PRXL2C: variants seen among roughly 807,000 people sequenced by gnomAD.
PRXL2C encodes the protein peroxiredoxin like 2C.
Under a neutral mutation model 24.9 loss-of-function variants are expected in PRXL2C, and 38 were observed. That is an observed-to-expected ratio of 1.53 (90% CI 1.18 to 2.00). The LOEUF (loss-of-function observed/expected upper bound fraction) is 2.00. Ranked by LOEUF, PRXL2C falls within the 30% of genes most tolerant of loss-of-function variation. The probability of loss-of-function intolerance (pLI) is 0.00; values close to 1 mark genes in which losing one functional copy is unlikely to be tolerated. For synonymous variants in PRXL2C, 98 were observed against 117.2 expected, an observed-to-expected ratio of 0.84 and a Z score of 1.06; for missense variants, 294 against 290.9, an observed-to-expected ratio of 1.01 and a Z score of -0.08.
chr9:96,651,706 T>G lies in PRXL2C; in HGVS notation c.268A>C (p.Asn90His), dbSNP rs775053398. The G allele has an allele frequency of 3.1e-5, 50 of 1,609,224 alleles. No individual in the cohort carries two copies. The highest frequency in any genetic ancestry group is 4.2e-5 in the Non-Finnish European group (49 of 1,177,424). Residue 90 changes from asparagine (N) to histidine (H), a missense_variant, in exon 3 of 6, where the codon AAT (asparagine) becomes CAT (histidine). Asn to His is a moderately conservative substitution (Grantham distance 68). Transcript: ENST00000375234. ...TGTCCAATCACTATAAGGGTGACAT[T>G]TGCTTCCTTAGGAGAAAAAAAAGGA... ...KIPRSFLQEANVTLIVIGQSS... is the reference protein window; with the variant it reads ...KIPRSFLQEAHVTLIVIGQSS...
At chr9:96,644,912 T>TTTTTTC (rs1848172013) in intron 5 of PRXL2C, among the ~76,000 whole-genome samples, 1 of 111,304 alleles carries the variant, frequency 9.0e-6, no homozygotes, top group Non-Finnish European at 1.7e-5. Context: ...TTTTTTTTTT[T>TTTTTTC]TTTTGAGGCA....
At chr9:96,642,615 G>A (rs919887629) in intron 5 of PRXL2C, among the ~76,000 whole-genome samples, 6 of 149,322 alleles carry the variant, frequency 4.0e-5, no homozygotes, top group Non-Finnish European at 7.4e-5. Flanking sequence ...GCATGATCTC[G>A]GCTCACTGCA....
intron 5 of PRXL2C, among the ~76,000 whole-genome samples, chr9:96,645,454 T>C (rs1848184518): frequency 1.3e-5 from 2 of 152,170 alleles, no homozygotes; most frequent in Admixed American, 6.5e-5. Context: ...GCATCCTGGC[T>C]GTAATGCCAA....
Position 96,655,238 on chromosome 9 carries a change from G to A in PRXL2C, c.44C>T (p.Ala15Val). 1.8e-6 allele frequency: 2 copies of A among 1,131,574 alleles called. No individual in the cohort carries two copies. The highest frequency in any genetic ancestry group is 2.2e-6 in the Non-Finnish European group (2 of 925,026). The allele number at this position is 1,131,574 out of a possible 1,614,324, so 70.1% of individuals were successfully genotyped here. ...APVTRQVSGA[A>V]ALVPAPSGPD... ...GCCGCTCGGGGCCGGGACCAGGGCG[G>A]CGGCGCCGCTAACCTGCCGCGTGAC... is the stretch of plus-strand genomic sequence containing the variant. The change falls in exon 1 of 6, where the codon GCC (alanine) becomes GTC (valine). Residue 15 changes from alanine to valine, a missense_variant. Physicochemically the swap from Ala to Val is moderately conservative, Grantham distance 64. Coordinates refer to ENST00000375234, the MANE Select transcript of PRXL2C (RefSeq NM_153698.2).
chr9:96,646,094 C>G (rs1848199247), intron 4 of PRXL2C, 70 bp from the exon 5 acceptor site: 2 of 1,437,858 alleles, frequency 1.4e-6, no homozygotes, highest in Non-Finnish European at 1.9e-6. Context: ...TAATGTATTT[C>G]TAGAAAACAT....
At position 96,641,484 on chromosome 9, in the gene PRXL2C, GTATT is replaced by G. The variant is rs1166744509; in HGVS notation, c.*271_*274del. On this transcript the variant is annotated 3_prime_UTR_variant, in exon 6 of 6. Transcript: ENST00000375234. ...ATACCATAATGTAAAATAATTTAGA[GTATT>G]TATGATTTTATAGCTTTTAAAGTTA... The G allele has an allele frequency of 4.3e-6, 1 of 234,196 alleles. No individual in the cohort carries two copies. Among genetic ancestry groups the G allele is most frequent in the African/African-American group, 2.3e-5 (1 of 44,414 alleles). 14.5% of individuals were successfully genotyped at this position (234,196 alleles called of 1,614,324 possible).
chr9:96,655,227 G>A lies in PRXL2C; in HGVS notation c.55C>T (p.Pro19Ser), dbSNP rs1176555475. The A allele has an allele frequency of 3.5e-6, 4 of 1,144,934 alleles. No individual in the cohort carries two copies. The highest frequency in any genetic ancestry group is 4.3e-6 in the Non-Finnish European group (4 of 933,540). 70.9% of individuals were successfully genotyped at this position (1,144,934 alleles called of 1,614,324 possible). Residue 19 changes from proline (P) to serine (S), a missense_variant, in exon 1 of 6, where the codon CCG becomes TCG. By Grantham distance (74) the Pro-to-Ser change is moderately conservative (BLOSUM62 -1). Transcript: ENST00000375234. ...CCGCTGTCGGGGCCGCTCGGGGCCG[G>A]GACCAGGGCGGCGGCGCCGCTAACC... ...RQVSGAAALVPAPSGPDSGQP... is the reference protein window; with the variant it reads ...RQVSGAAALVSAPSGPDSGQP...
Position 96,645,892 on chromosome 9 carries a change from C to A in PRXL2C, c.553+1G>T. ...TGCTGAACCTGGGCTTTGATGCTTA[C>A]CTGGACCTAAAATGAGGGTTCCACC... On this transcript the variant is annotated splice_donor_variant, in intron 5 of 5. Transcript: ENST00000375234. LOFTEE classifies it high-confidence loss of function. 1 of 1,608,416 alleles carries A rather than the reference C, an allele frequency of 6.2e-7. No homozygotes were observed. Among genetic ancestry groups the A allele is most frequent in the Non-Finnish European group, 8.5e-7 (1 of 1,178,412 alleles).
chr9:96,641,967 C>A, intron 5 of PRXL2C, 81 bp from the exon 6 acceptor site: 1 of 1,265,248 alleles, frequency 7.9e-7, no homozygotes, highest in South Asian at 2.5e-5. Flanking sequence ...GGAAGCTTTT[C>A]AACCTTTAAT....
intron 5 of PRXL2C, 81 bp downstream of exon 5, chr9:96,645,811 AG>A: frequency 7.0e-7 from 1 of 1,422,256 alleles, no homozygotes; most frequent in Non-Finnish European, 9.4e-7. Context: ...AAAAAAAAAA[AG>A]GAAAAGAAAA....
intron 5 of PRXL2C, among the ~76,000 whole-genome samples, chr9:96,645,163 C>A (rs941825503): frequency 6.6e-6 from 1 of 151,700 alleles, no homozygotes; most frequent in African/African-American, 2.4e-5. Context: ...CCCGCCTTGG[C>A]CTCCCAAAGT....
chr9:96,641,825 A>G lies in PRXL2C; in HGVS notation c.615T>C (p.Ser205=). ...GCTGAACTCCTACAAGCTGTAAAAC[A>G]GAGTTGATAGGTTTGTGATCCAACC... ...RNRLDHKPIN[S]VLQLVGVQHV... is the part of the protein sequence containing the mutation. The change falls in exon 6 of 6, where the codon TCT becomes TCC. Residue 205 remains serine (S), a synonymous_variant. Transcript: ENST00000375234. 1 of 1,571,080 alleles carries G rather than the reference A, an allele frequency of 6.4e-7. No homozygotes were observed. The highest frequency in any genetic ancestry group is 1.7e-5 in the Admixed American group (1 of 59,112).
chr9:96,652,457 G>T (rs1357797010), intron 2 of PRXL2C, among the ~76,000 whole-genome samples: 1 of 150,966 alleles, frequency 6.6e-6, no homozygotes, highest in Non-Finnish European at 1.5e-5. Context: ...GGAGGCGAAG[G>T]TTGTAGTCAG....
At chr9:96,643,732 G>A (rs746712607) in intron 5 of PRXL2C, among the ~76,000 whole-genome samples, 3 of 152,080 alleles carry the variant, frequency 2.0e-5, no homozygotes, top group Non-Finnish European at 2.9e-5. Flanking sequence ...TTTTTATAAC[G>A]AATCTGTTAT....
intron 4 of PRXL2C, among the ~76,000 whole-genome samples, chr9:96,648,793 GAC>G (rs1848229345): frequency 6.6e-6 from 1 of 151,282 alleles, no homozygotes; most frequent in South Asian, 2.1e-4. Flanking sequence ...TTTTTTTTGA[GAC>G]AGAGTTTCGC....
Position 96,651,439 on chromosome 9 carries a change from TTC to T in PRXL2C, c.370_371del (p.Glu124AsnfsTer3), listed in dbSNP as rs746057685. 9 of 1,613,596 alleles carry T rather than the reference TTC, an allele frequency of 5.6e-6. No homozygotes were observed. The highest frequency in any genetic ancestry group is 1.7e-4 in the Middle Eastern group (1 of 5,960). ...SHEIYVDPER[E>X]IYKRLGMKRG... is the part of the protein sequence containing the mutation. ...TTTTCATTCCCAATCTTTTATAAAT[TTC>T]TCTCTCAGGATCGACATAGATTTCA... is the stretch of plus-strand genomic sequence containing the variant. On this transcript the variant is annotated frameshift_variant, in exon 4 of 6. Coordinates refer to ENST00000375234, the MANE Select transcript of PRXL2C (RefSeq NM_153698.2). LOFTEE classifies it high-confidence loss of function.
At chr9:96,648,197 C>A (rs1290659712) in intron 4 of PRXL2C, among the ~76,000 whole-genome samples, 2 of 152,166 alleles carry the variant, frequency 1.3e-5, no homozygotes, top group Non-Finnish European at 2.9e-5. Context: ...GCCACGACAC[C>A]CAGCCCAAAC....
At chr9:96,649,696 G>A (rs943645690) in intron 4 of PRXL2C, among the ~76,000 whole-genome samples, 1 of 151,852 alleles carries the variant, frequency 6.6e-6, no homozygotes, top group African/African-American at 2.4e-5. Flanking sequence ...TCTAGCTTAT[G>A]TCTGCCCTAC....
chr9:96,655,095 C>T lies in PRXL2C; in HGVS notation c.187G>A (p.Val63Met), dbSNP rs1332835250. 1.4e-6 allele frequency: 2 copies of T among 1,452,120 alleles called. No homozygotes were observed. The highest frequency in any genetic ancestry group is 3.0e-5 in the African/African-American group (2 of 67,558). 90.0% of individuals were successfully genotyped at this position (1,452,120 alleles called of 1,614,324 possible). A position where few individuals can be genotyped will look rare whatever the true frequency, so the allele number is the denominator to read the frequency against. The change falls in exon 1 of 6, where the codon GTG becomes ATG. Residue 63 changes from valine (V) to methionine (M), a missense_variant. Physicochemically the swap from Val to Met is conservative, Grantham distance 21 (BLOSUM62 1). Transcript: ENST00000375234. ...CAGCCCCGCCGCCCGCTCACCCGCA[C>T]GAACACCACCACGGCGCGGCGCTCC... ...FRERRAVVVF[V>M]RHFLCYICKE...
Sources: allele counts gnomAD v4.1 joint callset (sites outside exome capture counted in the v4.1 genomes callset), GRCh38; gene constraint gnomAD v4.1.1; transcripts MANE v1.5; gene names NCBI Gene and HGNC (gene_info 2026-07-23, HGNC 2026-07-21).